Variants in ZUP1 observed in about 807,000 individuals in gnomAD.
The protein encoded by ZUP1 is zinc finger-containing ubiquitin peptidase 1.
A neutral mutation model predicts 68.1 loss-of-function variants in ZUP1; 55 were observed. The ratio of observed to expected loss-of-function variants is 0.81; its 90% CI spans 0.65 to 1.01. The LOEUF (loss-of-function observed/expected upper bound fraction) is 1.01, where lower values mean the gene tolerates loss of function less well. Ranked by LOEUF, ZUP1 falls within the 50% of genes least tolerant of loss-of-function variation. The probability of loss-of-function intolerance (pLI) is 0.00; values close to 1 mark genes in which losing one functional copy is unlikely to be tolerated. For synonymous variants in ZUP1, 223 were observed against 221.5 expected, an observed-to-expected ratio of 1.01 and a Z score of -0.06; for missense variants, 684 against 674.9, an observed-to-expected ratio of 1.01 and a Z score of -0.15.
At chr6:116,652,220 G>A (rs1413510011) in intron 5 of ZUP1, 28 bp from the exon 6 acceptor site, 7 of 1,572,372 alleles carry the variant, frequency 4.5e-6, no homozygotes, top group Non-Finnish European at 6.1e-6. Flanking sequence ...TTCAGAAGCA[G>A]TCATTATCAC....
intron 7 of ZUP1, among the ~76,000 whole-genome samples, chr6:116,650,994 T>C (rs1776473034): frequency 6.6e-6 from 1 of 151,870 alleles, no homozygotes; most frequent in Non-Finnish European, 1.5e-5. Flanking sequence ...AAAGTCCAGA[T>C]TGGAGCAAAG....
intron 2 of ZUP1, among the ~76,000 whole-genome samples, chr6:116,664,991 A>C (rs1776956728): frequency 6.6e-6 from 1 of 152,180 alleles, no homozygotes; most frequent in African/African-American, 2.4e-5. Flanking sequence ...TTCAGAGTAA[A>C]GAATACTTTT....
intron 4 of ZUP1, among the ~76,000 whole-genome samples, chr6:116,657,158 G>A (rs536491081): frequency 2.0e-5 from 3 of 152,230 alleles, no homozygotes; most frequent in African/African-American, 7.2e-5. Context: ...ATGCAGAAGA[G>A]TTCTGAATGC....
chr6:116,651,059 A>G (rs1776474924), intron 7 of ZUP1, among the ~76,000 whole-genome samples: 1 of 152,214 alleles, frequency 6.6e-6, no homozygotes, highest in African/African-American at 2.4e-5. Context: ...CTCAGATTAC[A>G]TGACAGGTAG....
chr6:116,644,944 C>T (rs573766338), intron 9 of ZUP1, among the ~76,000 whole-genome samples: 6 of 151,880 alleles, frequency 4.0e-5, no homozygotes, highest in South Asian at 4.2e-4. Flanking sequence ...AGACAGGAAA[C>T]GGGCATTTAA....
intron 5 of ZUP1, among the ~76,000 whole-genome samples, 155 bp downstream of exon 5, chr6:116,656,529 A>G (rs1038373730): frequency 6.6e-6 from 1 of 152,104 alleles, no homozygotes; most frequent in African/African-American, 2.4e-5. Flanking sequence ...TGAATTATTT[A>G]TCATAAAAAT....
At chr6:116,638,834 CGCA>C (rs1242648411) in intron 9 of ZUP1, among the ~76,000 whole-genome samples, 2 of 152,100 alleles carry the variant, frequency 1.3e-5, no homozygotes, top group Admixed American at 6.5e-5. Context: ...AGACAGTGGG[CGCA>C]GGACAGTGGG....
intron 5 of ZUP1, 61 bp from the exon 6 acceptor site, chr6:116,652,253 T>TC: frequency 9.0e-6 from 12 of 1,326,214 alleles, no homozygotes; most frequent in Non-Finnish European, 7.3e-6. Context: ...ATCTCATACA[T>TC]TTTTAATATC....
At chr6:116,647,361 AAAAC>A (rs936949896) in intron 8 of ZUP1, 94 bp downstream of exon 8, 576 of 1,155,748 alleles carry the variant, frequency 5.0e-4, no homozygotes, top group African/African-American at 9.2e-4. Context: ...TCTGTCTAAA[AAAAC>A]AAACAAACAA....
In ZUP1 at chr6:116,651,708, G is replaced by C. The variant is rs771466520; in HGVS notation, c.1180C>G (p.Gln394Glu). ...TTCCATGCATCTTCAATCATAGATTGAATTTTTGGAATGCAAGGAATCAAC... is the reference window on the plus strand; with the variant it reads ...TTCCATGCATCTTCAATCATAGATTCAATTTTTGGAATGCAAGGAATCAAC... ...GMLIPCIPKI[Q>E]SMIEDAWKEG... The change falls in exon 7 of 10, where the codon CAA becomes GAA. Residue 394 changes from glutamine (Q) to glutamate (E), a missense_variant. By Grantham distance (29) the Gln-to-Glu change is conservative. Transcript: ENST00000368576. The C allele has an allele frequency of 1.2e-6, 2 of 1,613,586 alleles. No individual in the cohort carries two copies. The highest frequency in any genetic ancestry group is 1.7e-6 in the Non-Finnish European group (2 of 1,179,774).
At chr6:116,659,617 G>A (rs1334563903) in intron 3 of ZUP1, among the ~76,000 whole-genome samples, 1 of 144,966 alleles carries the variant, frequency 6.9e-6, no homozygotes, top group African/African-American at 2.7e-5. Flanking sequence ...AATACTAGGG[G>A]AGAAAAAAAA....
chr6:116,652,159 T>C lies in ZUP1; in HGVS notation c.995A>G (p.Asn332Ser). ...CACCCGTCTCACATCTGTGGCAGCA[T>C]TCTGATAATACCTATGAAGTGCTTC... ...IIEALHRYYQ[N>S]AATDVRRVWL... The change falls in exon 6 of 10, where the codon AAT becomes AGT. Residue 332 changes from asparagine to serine, a missense_variant. By Grantham distance (46) the Asn-to-Ser change is conservative (BLOSUM62 1). Transcript: ENST00000368576. The C allele has an allele frequency of 6.2e-7, 1 of 1,613,934 alleles. No homozygotes were observed.
At chr6:116,665,679 AG>A (rs1360867617) in intron 2 of ZUP1, among the ~76,000 whole-genome samples, 1 of 148,728 alleles carries the variant, frequency 6.7e-6, no homozygotes, top group Non-Finnish European at 1.5e-5. Context: ...TCCCAGGCTC[AG>A]GTGATCCTCC....
At chr6:116,639,050 C>T (rs796459655) in intron 9 of ZUP1, among the ~76,000 whole-genome samples, 5 of 152,340 alleles carry the variant, frequency 3.3e-5, no homozygotes, top group South Asian at 2.1e-4. Context: ...GCACCTGGCT[C>T]GGAGGGTCCT....
intron 9 of ZUP1, among the ~76,000 whole-genome samples, chr6:116,642,302 T>C (rs1269733360): frequency 6.6e-5 from 10 of 152,148 alleles, no homozygotes; most frequent in South Asian, 2.1e-4. Context: ...TTCCGATCAA[T>C]AGAAAAAGAG....
intron 7 of ZUP1, among the ~76,000 whole-genome samples, chr6:116,648,660 A>G (rs1776387276): frequency 6.6e-6 from 1 of 152,160 alleles, no homozygotes; most frequent in Non-Finnish European, 1.5e-5. Flanking sequence ...GTACCAAGAA[A>G]GAAGCTGGAC....
chr6:116,655,965 A>C (rs1776649338), intron 5 of ZUP1, among the ~76,000 whole-genome samples: 1 of 152,216 alleles, frequency 6.6e-6, no homozygotes, highest in African/African-American at 2.4e-5. Context: ...AAACAATGTA[A>C]AATGTCTCAG....
rs1318696829 is a variant in ZUP1 at position 116,644,694 on chromosome 6, TG to T, written c.1689+1019del. On this transcript the variant is annotated intron_variant, in intron 9 of 9. Transcript: ENST00000368576. ...TCACACTCTGGGGACTGTTGTGGGG[TG>T]GGGGGAGTGGGGAGGGATAGCATTA... Among the ~76,000 whole-genome samples, 5 of 125,762 alleles carry T rather than the reference TG, an allele frequency of 4.0e-5. No individual in the cohort carries two copies. In the East Asian group the frequency reaches 9.1e-4, roughly 23 times the overall value. The allele number at this position is 125,762 out of a possible 152,430, so 82.5% of individuals were successfully genotyped here. A position where few individuals can be genotyped will look rare whatever the true frequency, so the allele number is the denominator to read the frequency against.
chr6:116,659,013 A>G, intron 3 of ZUP1, 89 bp from the exon 4 acceptor site: 1 of 1,194,094 alleles, frequency 8.4e-7, no homozygotes, highest in Non-Finnish European at 1.1e-6. Flanking sequence ...AATAGAGTAA[A>G]TGCTGTTATT....
Sources: allele counts gnomAD v4.1 joint callset (sites outside exome capture counted in the v4.1 genomes callset), GRCh38; gene constraint gnomAD v4.1.1; transcripts MANE v1.5; gene names NCBI Gene and HGNC (gene_info 2026-07-23, HGNC 2026-07-21).